ZNF141: variants seen among roughly 807,000 people sequenced by gnomAD.
The protein encoded by ZNF141 is zinc finger protein 141.
A neutral mutation model predicts 11.3 loss-of-function variants in ZNF141; 7 were observed. That is an observed-to-expected ratio of 0.62 (90% CI 0.35 to 1.16). ZNF141 has a LOEUF of 1.16. Among genes scored for constraint, ZNF141 ranks in the 50% most tolerant of loss-of-function variants. The probability of loss-of-function intolerance (pLI) is 0.02; values close to 1 mark genes in which losing one functional copy is unlikely to be tolerated. For synonymous variants in ZNF141, 183 were observed against 190.7 expected, an observed-to-expected ratio of 0.96 and a Z score of 0.33; for missense variants, 535 against 554.0, an observed-to-expected ratio of 0.97 and a Z score of 0.34.
rs1712353655 is a variant in ZNF141, at chr4:376,108, GTGTTGAAATAAT to G, written c.*2252_*2263del. 6.6e-6 allele frequency among the ~76,000 whole-genome samples: 1 copy of G among 151,894 alleles called. No individual in the cohort carries two copies. Among genetic ancestry groups the G allele is most frequent in the Non-Finnish European group, 1.5e-5 (1 of 67,878 alleles). On this transcript the variant is annotated 3_prime_UTR_variant, in exon 4 of 4. Coordinates refer to ENST00000240499, the MANE Select transcript of ZNF141 (RefSeq NM_003441.4). ...TTTTTAACTAAACAAAATTTTTAAC[GTGTTGAAATAAT>G]TGTTGCTTGAATGAAGTGTCATTAT...
chr4:352,889 G>C (rs1721669016), intron 3 of ZNF141, among the ~76,000 whole-genome samples: 1 of 152,122 alleles, frequency 6.6e-6, no homozygotes, highest in South Asian at 2.1e-4. Flanking sequence ...ATAGTCAGTT[G>C]CTCAGAAGTG....
At chr4:344,623 G>A (rs182122519) in intron 3 of ZNF141, among the ~76,000 whole-genome samples, 193 bp downstream of exon 3, 6 of 152,150 alleles carry the variant, frequency 3.9e-5, no homozygotes, top group Non-Finnish European at 7.4e-5. Context: ...GTGAAACCCC[G>A]TCTCTACTAA....
chr4:372,095 C>T (rs1426842939), intron 3 of ZNF141, among the ~76,000 whole-genome samples: 1 of 152,158 alleles, frequency 6.6e-6, no homozygotes, highest in African/African-American at 2.4e-5. Context: ...CATGTTTCTT[C>T]TTAACAGTCT....
intron 3 of ZNF141, among the ~76,000 whole-genome samples, chr4:359,798 G>A (rs782122569): frequency 6.6e-5 from 10 of 152,156 alleles, no homozygotes; most frequent in African/African-American, 2.4e-4. Flanking sequence ...ATATTGGCAA[G>A]CCTACATCCA....
chr4:342,946 T>C, intron 1 of ZNF141: 1 of 1,535,952 alleles, frequency 6.5e-7, no homozygotes, highest in South Asian at 1.1e-5. Flanking sequence ...AATTATCTCC[T>C]GATCCAAGGC....
intron 3 of ZNF141, among the ~76,000 whole-genome samples, chr4:357,083 G>C (rs981213668): frequency 6.6e-6 from 1 of 152,090 alleles, no homozygotes; most frequent in African/African-American, 2.4e-5. Flanking sequence ...AGCCTCTTGA[G>C]TAGCTGGAAC....
rs556909350 is a variant in ZNF141, at chr4:342,712, C to A, written c.4-1070C>A. Reference sequence around the variant, plus strand: ...GAGAAACCATCAGCTGTGTTCTGCCCACAGATCCTGTCCATTGTTCTGGGT... The same window carrying A: ...GAGAAACCATCAGCTGTGTTCTGCCAACAGATCCTGTCCATTGTTCTGGGT... On this transcript the variant is annotated intron_variant, in intron 1 of 3. Coordinates refer to ENST00000240499, the MANE Select transcript of ZNF141 (RefSeq NM_003441.4). The A allele has an allele frequency of 1.1e-5, 12 of 1,072,310 alleles. No individual in the cohort carries two copies. In the African/African-American group the frequency reaches 1.7e-4, roughly 15 times the overall value. 66.4% of individuals were successfully genotyped at this position (1,072,310 alleles called of 1,614,324 possible).
chr4:382,050 A>G lies in ZNF141; in HGVS notation c.*8188A>G, dbSNP rs1553855766. 6.8e-6 allele frequency among the ~76,000 whole-genome samples: 1 copy of G among 146,450 alleles called. No individual in the cohort carries two copies. Among genetic ancestry groups the G allele is most frequent in the African/African-American group, 2.6e-5 (1 of 39,002 alleles). On this transcript the variant is annotated 3_prime_UTR_variant, in exon 4 of 4. Coordinates refer to ENST00000240499, the MANE Select transcript of ZNF141 (RefSeq NM_003441.4). Reference sequence around the variant, plus strand: ...AAGCTCCACCTCCCAGGTTCACGCCATTCTCCTGCCTCAGCCTCCCAAGTA... The same window carrying G: ...AAGCTCCACCTCCCAGGTTCACGCCGTTCTCCTGCCTCAGCCTCCCAAGTA...
chr4:348,806 G>T (rs201166109), intron 3 of ZNF141, among the ~76,000 whole-genome samples: 1 of 151,468 alleles, frequency 6.6e-6, no homozygotes, highest in Non-Finnish European at 1.5e-5. Context: ...ATTAAAAGTC[G>T]TTTAAGGTTA....
rs1473423609 is a variant in ZNF141 at position 382,523 on chromosome 4, A to G, written c.*8661A>G. 3 of 152,412 alleles carry G rather than the reference A, an allele frequency of 2.0e-5. No homozygotes were observed. The highest frequency in any genetic ancestry group is 2.1e-4 in the South Asian group (1 of 4,834). The allele number at this position is 152,412 out of a possible 1,614,324, so 9.4% of individuals were successfully genotyped here. On this transcript the variant is annotated 3_prime_UTR_variant, in exon 4 of 4. Transcript: ENST00000240499. ...TTTGTAGGTATGATTAGTGCATTAT[A>G]GGTGTTTTCAAATTTCTCCTATGAT... is the stretch of plus-strand genomic sequence containing the variant.
rs1157327209 is a variant in ZNF141 at position 381,327 on chromosome 4, TCA to T, written c.*7468_*7469del. 4.7e-5 allele frequency among the ~76,000 whole-genome samples: 7 copies of T among 149,802 alleles called. No individual in the cohort carries two copies. Among genetic ancestry groups the T allele is most frequent in the African/African-American group, 1.7e-4 (7 of 40,850 alleles). ...GGAACCTCAGCCGAGCAGTCAGAAC[TCA>T]CAGCTCTGACCAAACCCCTAGAACT... On this transcript the variant is annotated 3_prime_UTR_variant, in exon 4 of 4. Transcript: ENST00000240499.
intron 3 of ZNF141, among the ~76,000 whole-genome samples, chr4:369,062 G>C (rs1395490034): frequency 2.6e-5 from 4 of 151,834 alleles, no homozygotes; most frequent in Non-Finnish European, 5.9e-5. Context: ...ATAGAAATTG[G>C]GGTATTGAAA....
At chr4:342,931 A>G in intron 1 of ZNF141, 1 of 1,556,126 alleles carries the variant, frequency 6.4e-7, no homozygotes, top group Non-Finnish European at 8.9e-7. Flanking sequence ...GTCAGGATCT[A>G]CTTCAATTAT....
chr4:344,414 C>G lies in ZNF141; in HGVS notation c.210C>G (p.Ile70Met). The G allele has an allele frequency of 4.4e-6, 7 of 1,606,104 alleles. No homozygotes were observed. Among genetic ancestry groups the G allele is most frequent in the Non-Finnish European group, 6.0e-6 (7 of 1,174,472 alleles). ...KEPYNVKIHK[I>M]VARPPAMCSH... ...CCTACAATGTGAAGATACATAAGAT[C>G]GTAGCCAGACCCCCAGGTAGGTGAG... is the stretch of plus-strand genomic sequence containing the variant. The change falls in exon 3 of 4, where the codon ATC (isoleucine) becomes ATG (methionine). Residue 70 changes from isoleucine (I) to methionine (M), a missense_variant. By Grantham distance (10) the Ile-to-Met change is conservative (BLOSUM62 1). Transcript: ENST00000240499.
At chr4:351,048 C>T (rs1301303368) in intron 3 of ZNF141, among the ~76,000 whole-genome samples, 1 of 151,670 alleles carries the variant, frequency 6.6e-6, no homozygotes, top group Admixed American at 6.6e-5. Flanking sequence ...CGCGCCCGGC[C>T]TGAGATCTTA....
intron 3 of ZNF141, among the ~76,000 whole-genome samples, chr4:368,330 G>C (rs2883054): frequency 0.43 from 65,878 of 151,748 alleles, 14,900 homozygotes; most frequent in African/African-American, 0.57. Context: ...CAACCTCCAC[G>C]TCCCAGGTTC....
At chr4:362,557 A>T (rs1180093162) in intron 3 of ZNF141, among the ~76,000 whole-genome samples, 3 of 152,178 alleles carry the variant, frequency 2.0e-5, no homozygotes, top group African/African-American at 7.2e-5. Context: ...ATTTTTGTAT[A>T]AGGCGTAAGG....
At chr4:369,769 T>A (rs868964700) in intron 3 of ZNF141, among the ~76,000 whole-genome samples, 3,873 of 85,914 alleles carry the variant, frequency 0.045, 51 homozygotes, top group Non-Finnish European at 0.07. Context: ...TATATATTTT[T>A]TTTTTTTTTT....
At chr4:338,179 C>A in intron 1 of ZNF141, 193 bp downstream of exon 1, 1 of 612,970 alleles carries the variant, frequency 1.6e-6, no homozygotes, top group South Asian at 1.9e-5. Flanking sequence ...CTGCAGCCCT[C>A]CTTGTGCAGC....
Sources: allele counts gnomAD v4.1 joint callset (sites outside exome capture counted in the v4.1 genomes callset), GRCh38; gene constraint gnomAD v4.1.1; transcripts MANE v1.5; gene names NCBI Gene and HGNC (gene_info 2026-07-23, HGNC 2026-07-21).